The following NR3C2 variants were observed in gnomAD, a reference collection of about 807,000 sequenced individuals.
The protein encoded by NR3C2 is mineralocorticoid receptor.
In NR3C2, 15 loss-of-function variants were observed where a neutral mutation model predicts 86.4. The ratio of observed to expected loss-of-function variants is 0.17; its 90% confidence interval spans 0.12 to 0.27. The LOEUF (loss-of-function observed/expected upper bound fraction) is 0.27. Ranked by LOEUF, NR3C2 falls within the 10% of genes least tolerant of loss-of-function variation. NR3C2 has a pLI of 1.00. For synonymous variants in NR3C2, 458 were observed against 450.5 expected (o/e 1.02, Z -0.21); for missense variants, 960 against 1,195.6 (o/e 0.80, Z 2.91).
At chr4:148,267,286 A>AT (rs571694919) in intron 2 of NR3C2, among the ~76,000 whole-genome samples, 30,504 of 138,950 alleles carry the variant, frequency 0.22, 3,219 homozygotes, top group Admixed American at 0.25. Flanking sequence ...TTTTTTTTTA[A>AT]TTTTTTTTTT....
At chr4:148,389,458 T>A (rs1445378195) in intron 2 of NR3C2, among the ~76,000 whole-genome samples, 2 of 152,154 alleles carry the variant, frequency 1.3e-5, no homozygotes, top group African/African-American at 4.8e-5. Context: ...CTCTCCTCTT[T>A]CCAGTATATA....
At chr4:148,130,814 G>GT (rs1193845630) in intron 6 of NR3C2, among the ~76,000 whole-genome samples, 3,463 of 76,324 alleles carry the variant, frequency 0.045, 321 homozygotes, top group Non-Finnish European at 0.073. Flanking sequence ...GTTTTGTTTT[G>GT]TTTTGTTTTT....
At chr4:148,105,527 T>C (rs775267600) in intron 8 of NR3C2, among the ~76,000 whole-genome samples, 1 of 152,230 alleles carries the variant, frequency 6.6e-6, no homozygotes, top group Non-Finnish European at 1.5e-5. Context: ...CTCATTTTTA[T>C]GAGGCCAGCA....
chr4:148,116,746 G>A (rs1434704080), intron 7 of NR3C2, among the ~76,000 whole-genome samples: 1 of 151,964 alleles, frequency 6.6e-6, no homozygotes, highest in Non-Finnish European at 1.5e-5. Flanking sequence ...AAAGTACCAA[G>A]CTACTTGGGG....
At chr4:148,280,600 G>A (rs892648099) in intron 2 of NR3C2, among the ~76,000 whole-genome samples, 1 of 152,142 alleles carries the variant, frequency 6.6e-6, no homozygotes, top group African/African-American at 2.4e-5. Context: ...CTAAGCTTAA[G>A]TAATCCTCCC....
intron 4 of NR3C2, among the ~76,000 whole-genome samples, chr4:148,185,523 A>T (rs2149794553): frequency 6.6e-6 from 1 of 152,170 alleles, no homozygotes. Context: ...CTTTTTTTTT[A>T]ATAGGCAATA....
chr4:148,432,272 T>C (rs901656364), intron 2 of NR3C2, among the ~76,000 whole-genome samples: 8 of 152,154 alleles, frequency 5.3e-5, no homozygotes, highest in African/African-American at 1.7e-4. Context: ...TCATCTCATA[T>C]AGATATGTTG....
intron 3 of NR3C2, among the ~76,000 whole-genome samples, chr4:148,244,841 C>G (rs1396862589): frequency 6.6e-6 from 1 of 152,216 alleles, no homozygotes; most frequent in Non-Finnish European, 1.5e-5. Flanking sequence ...CTTTTGATCT[C>G]TGCCCATACC....
chr4:148,092,415 G>A lies in NR3C2; in HGVS notation c.2800-10916C>T, dbSNP rs529400854. 2.0e-5 allele frequency among the ~76,000 whole-genome samples: 3 copies of A among 152,128 alleles called. No individual in the cohort carries two copies. The East Asian group carries it at 5.8e-4, about 29-fold the overall frequency. ...AGGAATCACCTGTCTTATTCCCCAC[G>A]GCTCCCAGAAGTGGCCCCTTCATGT... On this transcript the variant is annotated intron_variant, in intron 8 of 8. Coordinates refer to ENST00000358102, the MANE Select transcript of NR3C2 (RefSeq NM_000901.5).
rs762037630 is a variant in NR3C2, at chr4:148,436,744, C to G, written c.117G>C (p.Glu39Asp). The change falls in exon 2 of 9, where the codon GAG becomes GAC. Residue 39 changes from glutamate to aspartate, a missense_variant. Physicochemically the swap from Glu to Asp is conservative, Grantham distance 45. Transcript: ENST00000358102. ...SSLGPTERTD[E>D]NNYMEIVNVS... Reference sequence around the variant, plus strand: ...CGTTGACAATCTCCATGTAGTTATTCTCATCGGTCCTCTCTGTAGGTCCCA... The same window carrying G: ...CGTTGACAATCTCCATGTAGTTATTGTCATCGGTCCTCTCTGTAGGTCCCA... The G allele has an allele frequency of 6.2e-7, 1 of 1,614,116 alleles. No homozygotes were observed. The highest frequency in any genetic ancestry group is 8.5e-7 in the Non-Finnish European group (1 of 1,180,000).
intron 3 of NR3C2, among the ~76,000 whole-genome samples, chr4:148,243,784 T>C (rs1739180244): frequency 6.6e-6 from 1 of 152,208 alleles, no homozygotes; most frequent in African/African-American, 2.4e-5. Context: ...TACCATAGTA[T>C]AGAGCATTTG....
chr4:148,085,382 C>A (rs1435062569), intron 8 of NR3C2, among the ~76,000 whole-genome samples: 1 of 152,166 alleles, frequency 6.6e-6, no homozygotes, highest in Non-Finnish European at 1.5e-5. Context: ...AAACCTGCTC[C>A]TGAATGATTC....
At chr4:148,205,540 A>G (rs1335002079) in intron 3 of NR3C2, among the ~76,000 whole-genome samples, 2 of 152,214 alleles carry the variant, frequency 1.3e-5, no homozygotes, top group Non-Finnish European at 2.9e-5. Context: ...GGCATTATTA[A>G]TTCAATATGT....
rs763159483 is a variant in NR3C2 at position 148,141,434 on chromosome 4, TCTCC to T, written c.2510+11031_2510+11034del. Among the ~76,000 whole-genome samples, 17 of 111,560 alleles carry T rather than the reference TCTCC, an allele frequency of 1.5e-4. No homozygotes were observed. In the East Asian group the frequency reaches 0.017, roughly 112 times the overall value. The allele number at this position is 111,560 out of a possible 152,430, so 73.2% of individuals were successfully genotyped here. On this transcript the variant is annotated intron_variant, in intron 6 of 8. Coordinates refer to ENST00000358102, the MANE Select transcript of NR3C2 (RefSeq NM_000901.5). ...GAGACTCCATCTCTCTCTCTCTCTC[TCTCC>T]CTCTCTCTCACACACACACACACAC... is the stretch of plus-strand genomic sequence containing the variant.
chr4:148,292,168 T>A (rs1286767716), intron 2 of NR3C2, among the ~76,000 whole-genome samples: 1 of 152,028 alleles, frequency 6.6e-6, no homozygotes, highest in African/African-American at 2.4e-5. Context: ...GTCTTTTTTT[T>A]ATGTTTCCAA....
At chr4:148,185,009 A>G (rs1455762374) in intron 4 of NR3C2, among the ~76,000 whole-genome samples, 1 of 152,234 alleles carries the variant, frequency 6.6e-6, no homozygotes, top group Non-Finnish European at 1.5e-5. Flanking sequence ...AGAGGTTGGT[A>G]GGATAAAATG....
chr4:148,158,056 T>C (rs1456871608), intron 4 of NR3C2, among the ~76,000 whole-genome samples: 2 of 152,184 alleles, frequency 1.3e-5, no homozygotes, highest in Non-Finnish European at 2.9e-5. Flanking sequence ...TAATAAAAGA[T>C]TTGAGGCACA....
At chr4:148,425,471 A>C (rs1228181056) in intron 2 of NR3C2, among the ~76,000 whole-genome samples, 1 of 152,206 alleles carries the variant, frequency 6.6e-6, no homozygotes, top group Non-Finnish European at 1.5e-5. Flanking sequence ...CTAAGTGACA[A>C]GAAAGAGGCA....
intron 2 of NR3C2, among the ~76,000 whole-genome samples, chr4:148,273,612 T>C (rs772678203): frequency 1.7e-4 from 26 of 152,180 alleles, no homozygotes; most frequent in Admixed American, 4.6e-4. Flanking sequence ...CCAGGGGTGC[T>C]GGCTGTCTTC....
Sources: gnomAD v4.1 joint callset for allele counts (sites outside exome capture counted in the v4.1 genomes callset) on GRCh38, gnomAD v4.1.1 for gene constraint, MANE v1.5 for transcripts, NCBI Gene and HGNC (gene_info 2026-07-23, HGNC 2026-07-21) for gene names.